TMPRSS12: variants seen among roughly 807,000 people sequenced by gnomAD.
The protein encoded by TMPRSS12 is transmembrane serine protease 12.
In TMPRSS12, 25 loss-of-function variants were observed where a neutral mutation model predicts 26.0. That is an observed-to-expected ratio of 0.96 (90% CI 0.70 to 1.34). The LOEUF is 1.34. Ranked by LOEUF, TMPRSS12 falls within the 40% of genes most tolerant of loss-of-function variation. The pLI, the probability that TMPRSS12 is intolerant of heterozygous loss-of-function variation, is 0.00. For missense variants in TMPRSS12, 441 were observed against 440.1 expected, an observed-to-expected ratio of 1.00 and a Z score of -0.02; for synonymous variants, 150 against 161.7, an observed-to-expected ratio of 0.93 and a Z score of 0.55.
intron 3 of TMPRSS12, among the ~76,000 whole-genome samples, chr12:50,880,966 CTTTTTTTTTTTTTTTTTTTTT>C (rs869152225): frequency 1.6e-5 from 1 of 61,786 alleles, no homozygotes; most frequent in South Asian, 9.1e-4. Flanking sequence ...TCAGTAATTT[CTTTTTTTTTTTTTTTTTTTTT>C]TTTTTTTTTT....
At chr12:50,867,884 T>A (rs540930930) in intron 3 of TMPRSS12, among the ~76,000 whole-genome samples, 36 of 152,154 alleles carry the variant, frequency 2.4e-4, no homozygotes, top group Non-Finnish European at 4.3e-4. Context: ...AACCATCACG[T>A]GTAAAGGAGA....
At chr12:50,865,354 T>C (rs754410015) in intron 3 of TMPRSS12, among the ~76,000 whole-genome samples, 11 of 151,946 alleles carry the variant, frequency 7.2e-5, no homozygotes, top group Admixed American at 1.3e-4. Context: ...ACAAAACTCA[T>C]TGGATAAACT....
intron 3 of TMPRSS12, among the ~76,000 whole-genome samples, chr12:50,878,699 T>G (rs982163207): frequency 1.3e-5 from 2 of 152,204 alleles, no homozygotes; most frequent in Non-Finnish European, 2.9e-5. Context: ...GGCAATATAA[T>G]GGAAAACAGT....
chr12:50,847,748 T>C (rs930741683), intron 2 of TMPRSS12, among the ~76,000 whole-genome samples: 7 of 151,930 alleles, frequency 4.6e-5, no homozygotes, highest in Non-Finnish European at 1.5e-5. Context: ...ATACAAAATA[T>C]TAGCCAGGCG....
At chr12:50,851,122 G>A (rs1937822540) in intron 2 of TMPRSS12, among the ~76,000 whole-genome samples, 1 of 152,190 alleles carries the variant, frequency 6.6e-6, no homozygotes, top group Admixed American at 6.5e-5. Context: ...ACCAGCACAA[G>A]AACCCTGGCA....
intron 2 of TMPRSS12, among the ~76,000 whole-genome samples, chr12:50,852,569 C>G (rs1034803045): frequency 6.6e-6 from 1 of 152,176 alleles, no homozygotes; most frequent in African/African-American, 2.4e-5. Context: ...TGCCACCACA[C>G]CCAGCTAATT....
At chr12:50,850,954 C>T (rs947950580) in intron 2 of TMPRSS12, among the ~76,000 whole-genome samples, 2 of 152,142 alleles carry the variant, frequency 1.3e-5, no homozygotes, top group African/African-American at 4.8e-5. Context: ...GAGTCTTGTC[C>T]CCCTAAAATC....
Position 50,872,684 on chromosome 12 carries a change from A to G in TMPRSS12, c.653-12562A>G, listed in dbSNP as rs182692096. ...GTATATGTACATATATATGACGTAT[A>G]TGCACATATATATGACGTATATGTG... is the stretch of plus-strand genomic sequence containing the variant. On this transcript the variant is annotated intron_variant, in intron 3 of 4. Transcript: ENST00000398458. 2.9e-4 allele frequency among the ~76,000 whole-genome samples: 11 copies of G among 37,920 alleles called. 1 individual carries two copies. In the East Asian group the frequency reaches 4.5e-3, roughly 16 times the overall value. 24.9% of individuals were successfully genotyped at this position (37,920 alleles called of 152,430 possible).
At chr12:50,875,437 C>CTGAGATCAT (rs1938103812) in intron 3 of TMPRSS12, among the ~76,000 whole-genome samples, 1 of 135,402 alleles carries the variant, frequency 7.4e-6, no homozygotes, top group African/African-American at 2.8e-5. Context: ...TTGCAGTGAG[C>CTGAGATCAT]TGAGATCATG....
chr12:50,887,052 A>G (rs1225129788), intron 4 of TMPRSS12: 3 of 522,634 alleles, frequency 5.7e-6, no homozygotes, highest in Non-Finnish European at 9.9e-6. Context: ...TACCAGCTAT[A>G]TGGTTCCTCC....
At chr12:50,861,852 C>T (rs1248109888) in intron 3 of TMPRSS12, among the ~76,000 whole-genome samples, 1 of 151,420 alleles carries the variant, frequency 6.6e-6, no homozygotes, top group Non-Finnish European at 1.5e-5. Flanking sequence ...GCTCTGTCTC[C>T]AGGCTGGAGT....
chr12:50,879,360 A>T lies in TMPRSS12; in HGVS notation c.653-5886A>T, dbSNP rs558513846. Among the ~76,000 whole-genome samples, 7 of 152,370 alleles carry T rather than the reference A, an allele frequency of 4.6e-5. No homozygotes were observed. The South Asian group carries it at 1.4e-3, about 32-fold the overall frequency. Reference sequence around the variant, plus strand: ...ATCCTCTTCAAAAGCCACCATTAAGAAAATCAATGGAAAAAGAGCTGCAAA... The same window carrying T: ...ATCCTCTTCAAAAGCCACCATTAAGTAAATCAATGGAAAAAGAGCTGCAAA... On this transcript the variant is annotated intron_variant, in intron 3 of 4. Coordinates refer to ENST00000398458, the MANE Select transcript of TMPRSS12 (RefSeq NM_182559.3).
chr12:50,845,879 A>G (rs1270645981), intron 2 of TMPRSS12, among the ~76,000 whole-genome samples: 2 of 152,228 alleles, frequency 1.3e-5, no homozygotes, highest in Non-Finnish European at 2.9e-5. Flanking sequence ...CCATTTCCCA[A>G]ATTACTAGTG....
intron 2 of TMPRSS12, chr12:50,848,211 C>G (rs1222259936): frequency 6.7e-6 from 1 of 149,204 alleles, no homozygotes; most frequent in African/African-American, 2.4e-5. Context: ...CTTGCCAAGT[C>G]AATAAATGAG....
At chr12:50,851,902 C>T (rs1937829658) in intron 2 of TMPRSS12, among the ~76,000 whole-genome samples, 2 of 152,164 alleles carry the variant, frequency 1.3e-5, no homozygotes, top group African/African-American at 2.4e-5. Flanking sequence ...ATTTAGCATC[C>T]TTAAAGAAAA....
At chr12:50,886,983 A>G (rs986199106) in intron 4 of TMPRSS12, 6 of 325,220 alleles carry the variant, frequency 1.8e-5, no homozygotes, top group Admixed American at 9.2e-5. Flanking sequence ...ATATTTAAAA[A>G]TCCAAACAAT....
At chr12:50,871,766 A>G (rs900083776) in intron 3 of TMPRSS12, among the ~76,000 whole-genome samples, 2 of 152,196 alleles carry the variant, frequency 1.3e-5, no homozygotes, top group African/African-American at 4.8e-5. Context: ...CCATCAAAAA[A>G]TAGGTTAAAG....
intron 3 of TMPRSS12, among the ~76,000 whole-genome samples, chr12:50,860,755 A>G (rs1937926955): frequency 6.6e-6 from 1 of 152,102 alleles, no homozygotes; most frequent in Non-Finnish European, 1.5e-5. Context: ...GACTACAGGC[A>G]TGTGCCACCA....
At chr12:50,869,832 C>T (rs1420693209) in intron 3 of TMPRSS12, among the ~76,000 whole-genome samples, 2 of 152,198 alleles carry the variant, frequency 1.3e-5, no homozygotes, top group Non-Finnish European at 2.9e-5. Context: ...CCTGTAATCC[C>T]AGCACTTTGG....
Sources: allele counts gnomAD v4.1 joint callset (sites outside exome capture counted in the v4.1 genomes callset), GRCh38; gene constraint gnomAD v4.1.1; transcripts MANE v1.5; gene names NCBI Gene and HGNC (gene_info 2026-07-23, HGNC 2026-07-21).